ST3GAL1: variants seen among roughly 807,000 people sequenced by gnomAD.
ST3GAL1 encodes the protein CMP-N-acetylneuraminate-beta-galactosamide-alpha-2,3-sialyltransferase 1.
In ST3GAL1, 16 loss-of-function variants were observed where a neutral mutation model predicts 34.1. The ratio of observed to expected loss-of-function variants is 0.47; its 90% CI spans 0.32 to 0.71. The LOEUF is 0.71. Among genes scored for constraint, ST3GAL1 ranks in the 30% least tolerant of loss-of-function variants. The pLI is 0.04. For missense variants in ST3GAL1, 353 were observed against 447.4 expected, an observed-to-expected ratio of 0.79 and a Z score of 1.90; for synonymous variants, 191 against 184.7, an observed-to-expected ratio of 1.03 and a Z score of -0.28.
Position 133,469,780 on chromosome 8 carries a change from A to T in ST3GAL1, c.307-3690T>A, listed in dbSNP as rs1678381346. On this transcript the variant is annotated intron_variant, in intron 5 of 9. Coordinates refer to ENST00000522652, the MANE Select transcript of ST3GAL1 (RefSeq NM_173344.3). This position sits in a 1 kb window ranked among gnomAD's most constrained non-coding sequence, Gnocchi z 4.3. ...AGCACTGCAGAGACAGGTGGGAAGG[A>T]GGGACGGCAGAAATGACCTCCGGGC... Among the ~76,000 whole-genome samples the T allele has an allele frequency of 6.6e-6, 1 of 152,220 alleles. No homozygotes were observed. Among genetic ancestry groups the T allele is most frequent in the South Asian group, 2.1e-4 (1 of 4,830 alleles).
intron 3 of ST3GAL1, among the ~76,000 whole-genome samples, chr8:133,479,113 C>A (rs911682367): frequency 1.3e-5 from 2 of 152,244 alleles, no homozygotes; most frequent in African/African-American, 4.8e-5. Context: ...AAATTCTGCT[C>A]ATTTCTCGGG....
chr8:133,507,858 T>C (rs1426003914), intron 2 of ST3GAL1, among the ~76,000 whole-genome samples: 1 of 152,186 alleles, frequency 6.6e-6, no homozygotes, highest in African/African-American at 2.4e-5. Context: ...GCAGAGTAGA[T>C]GCTGCTGGCA....
intron 2 of ST3GAL1, chr8:133,544,161 G>C (rs1207976212): frequency 6.6e-6 from 1 of 151,650 alleles, no homozygotes; most frequent in East Asian, 1.9e-4. Flanking sequence ...CCTTTGCCCA[G>C]ACCTGTAGGC....
Position 133,562,841 on chromosome 8 carries a change from C to CCTTCCTTT in ST3GAL1, c.-582+8851_-582+8852insAAAGGAAG, listed in dbSNP as rs1491286901. Among the ~76,000 whole-genome samples, 399 of 82,470 alleles carry CCTTCCTTT rather than the reference C, an allele frequency of 4.8e-3. 5 individuals carry two copies. The highest frequency in any genetic ancestry group is 0.017 in the African/African-American group (377 of 22,444). 54.1% of individuals were successfully genotyped at this position (82,470 alleles called of 152,430 possible). On this transcript the variant is annotated intron_variant, in intron 1 of 9. Transcript: ENST00000522652. ...TCCTTCCTTCCTTCCTTCCTTCCTT[C>CCTTCCTTT]CTTTCTTTCTTTTTTTTTTTTTTTT...
intron 3 of ST3GAL1, among the ~76,000 whole-genome samples, chr8:133,481,216 C>A (rs757147328): frequency 6.6e-6 from 1 of 152,126 alleles, no homozygotes; most frequent in Admixed American, 6.5e-5. Flanking sequence ...CAGAGAGGAC[C>A]GGTTGTCTCC....
intron 2 of ST3GAL1, among the ~76,000 whole-genome samples, chr8:133,505,080 A>C (rs1817293264): frequency 6.6e-6 from 1 of 152,208 alleles, no homozygotes; most frequent in Admixed American, 6.5e-5. Flanking sequence ...CAGGCACTGC[A>C]GACAATTTGG....
chr8:133,524,714 C>T (rs1445951973), intron 2 of ST3GAL1, among the ~76,000 whole-genome samples: 1 of 152,268 alleles, frequency 6.6e-6, no homozygotes, highest in Non-Finnish European at 1.5e-5. Context: ...GTGCCAGCTC[C>T]ATGTGAGTCT....
chr8:133,562,192 C>A (rs1265977056), intron 1 of ST3GAL1, among the ~76,000 whole-genome samples: 1 of 150,984 alleles, frequency 6.6e-6, no homozygotes, highest in Middle Eastern at 3.4e-3. Context: ...AGTCACTTCT[C>A]CCCTGTGAAT....
intron 2 of ST3GAL1, among the ~76,000 whole-genome samples, chr8:133,537,793 T>C (rs545966214): frequency 6.6e-6 from 1 of 152,174 alleles, no homozygotes; most frequent in African/African-American, 2.4e-5. Flanking sequence ...TGGAATCTTG[T>C]TCCTACAAAC....
At chr8:133,491,089 G>T (rs1258656703) in intron 3 of ST3GAL1, among the ~76,000 whole-genome samples, 1 of 152,160 alleles carries the variant, frequency 6.6e-6, no homozygotes, top group African/African-American at 2.4e-5. Flanking sequence ...AGATTCTGCT[G>T]AAGCACAAAT....
Position 133,489,566 on chromosome 8 carries a change from T to C in ST3GAL1, c.-374+9569A>G, listed in dbSNP as rs561512668. The C allele has an allele frequency of 2.6e-5, 4 of 152,494 alleles. No homozygotes were observed. The East Asian group carries it at 7.7e-4, about 29-fold the overall frequency. 9.4% of individuals were successfully genotyped at this position (152,494 alleles called of 1,614,324 possible). On this transcript the variant is annotated intron_variant, in intron 3 of 9. Transcript: ENST00000522652. ...TCGGGAGATTTCATCCTCAGGCTCA[T>C]GACACTGATAGGGTCTTTGGCAGGG...
chr8:133,461,752 G>A lies in ST3GAL1; in HGVS notation c.849+123C>T, dbSNP rs1815515744. 7.2e-7 allele frequency: 1 copy of A among 1,396,322 alleles called. No individual in the cohort carries two copies. The highest frequency in any genetic ancestry group is 9.9e-7 in the Non-Finnish European group (1 of 1,014,790). The allele number at this position is 1,396,322 out of a possible 1,614,324, so 86.5% of individuals were successfully genotyped here. Reference sequence around the variant, plus strand: ...TGTTGCAAGTCCTGTCGTAGAGACAGGGAATCCGAGCTTCCGGAAGAGGCA... The same window carrying A: ...TGTTGCAAGTCCTGTCGTAGAGACAAGGAATCCGAGCTTCCGGAAGAGGCA... On this transcript the variant is annotated intron_variant, in intron 9 of 9. Transcript: ENST00000522652. The surrounding 1 kb of genome is among the most constrained non-coding windows in gnomAD (Gnocchi z 4.7).
chr8:133,491,433 T>A (rs1197892486), intron 3 of ST3GAL1, among the ~76,000 whole-genome samples: 1 of 152,150 alleles, frequency 6.6e-6, no homozygotes, highest in African/African-American at 2.4e-5. Context: ...GAGCTCCTAA[T>A]GCCCCTTACA....
intron 3 of ST3GAL1, among the ~76,000 whole-genome samples, chr8:133,484,794 ACCTGTCCATCCC>A (rs1382610618): frequency 1.3e-5 from 2 of 152,048 alleles, no homozygotes; most frequent in South Asian, 2.1e-4. Flanking sequence ...GATTCCTGCC[ACCTGTCCATCCC>A]CCTGAAGCTA....
At chr8:133,514,336 T>G (rs1056431677) in intron 2 of ST3GAL1, among the ~76,000 whole-genome samples, 1 of 152,170 alleles carries the variant, frequency 6.6e-6, no homozygotes, top group African/African-American at 2.4e-5. Flanking sequence ...CATTTTGGCT[T>G]TAGGATCACT....
chr8:133,498,689 G>C (rs940683763), intron 3 of ST3GAL1, among the ~76,000 whole-genome samples: 2 of 152,234 alleles, frequency 1.3e-5, no homozygotes, highest in Non-Finnish European at 2.9e-5. Flanking sequence ...GAGTGAGATT[G>C]AGTCCTGCCT....
chr8:133,481,545 G>A (rs1017609796), intron 3 of ST3GAL1, among the ~76,000 whole-genome samples: 9 of 152,180 alleles, frequency 5.9e-5, no homozygotes, highest in African/African-American at 2.2e-4. Flanking sequence ...GCCCAGGCTG[G>A]AGTGCAGTGG....
chr8:133,554,931 G>A (rs1352632777), intron 1 of ST3GAL1, among the ~76,000 whole-genome samples: 2 of 152,046 alleles, frequency 1.3e-5, no homozygotes, highest in Non-Finnish European at 2.9e-5. Flanking sequence ...GTTTCACCAT[G>A]TTGGCCAGGA....
At position 133,467,645 on chromosome 8, in the gene ST3GAL1, G is replaced by A. The variant is rs1815793130; in HGVS notation, c.307-1555C>T. ...TTTGGGGTAGGGGTGATAAGCTGTG[G>A]GGTGATTCCCATCGGCTACTCCGGG... On this transcript the variant is annotated intron_variant, in intron 5 of 9. Transcript: ENST00000522652. The surrounding 1 kb of genome is among the most constrained non-coding windows in gnomAD (Gnocchi z 4.2). 6.6e-6 allele frequency among the ~76,000 whole-genome samples: 1 copy of A among 152,182 alleles called. No individual in the cohort carries two copies.
Sources: allele counts gnomAD v4.1 joint callset (sites outside exome capture counted in the v4.1 genomes callset), GRCh38; gene constraint gnomAD v4.1.1; non-coding constraint Gnocchi (gnomAD v3.1); transcripts MANE v1.5; gene names NCBI Gene and HGNC (gene_info 2026-07-23, HGNC 2026-07-21).